SNTG1: variants seen among roughly 807,000 people sequenced by gnomAD.
SNTG1 encodes gamma-1-syntrophin.
In SNTG1, 39 loss-of-function variants were observed where a neutral mutation model predicts 74.7. The ratio of observed to expected loss-of-function variants is 0.52; its 90% CI spans 0.40 to 0.68. SNTG1 has a LOEUF of 0.68. Ranked by LOEUF, SNTG1 falls within the 30% of genes least tolerant of loss-of-function variation. The probability of loss-of-function intolerance (pLI) is 0.00; values close to 1 mark genes in which losing one functional copy is unlikely to be tolerated. For synonymous variants in SNTG1, 254 were observed against 217.1 expected (o/e 1.17, Z -1.49); for missense variants, 685 against 609.5 (o/e 1.12, Z -1.30).
At chr8:50,179,208 A>G (rs973626717) in intron 2 of SNTG1, among the ~76,000 whole-genome samples, 4 of 152,098 alleles carry the variant, frequency 2.6e-5, no homozygotes, top group African/African-American at 7.2e-5. Context: ...TTACTACTGT[A>G]GCTTTGTCAT....
At chr8:50,416,239 C>G (rs891803701) in intron 4 of SNTG1, among the ~76,000 whole-genome samples, 1 of 152,090 alleles carries the variant, frequency 6.6e-6, no homozygotes, top group Admixed American at 6.6e-5. Flanking sequence ...ATCATTTGCT[C>G]GCACACTAAA....
intron 2 of SNTG1, among the ~76,000 whole-genome samples, chr8:50,224,361 A>C (rs2132013677): frequency 6.6e-6 from 1 of 152,298 alleles, no homozygotes; most frequent in Non-Finnish European, 1.5e-5. Context: ...CAGGCTTTGT[A>C]GATCCCACAG....
chr8:50,064,820 C>T (rs1489175809), intron 1 of SNTG1, among the ~76,000 whole-genome samples: 1 of 152,168 alleles, frequency 6.6e-6, no homozygotes, highest in East Asian at 1.9e-4. Context: ...GGAGCTGACT[C>T]TTTACAACCA....
chr8:50,539,930 G>A (rs952770459), intron 11 of SNTG1, among the ~76,000 whole-genome samples: 2 of 152,132 alleles, frequency 1.3e-5, no homozygotes, highest in African/African-American at 4.8e-5. Flanking sequence ...TTTATTGGAG[G>A]CTTTACGTTT....
intron 2 of SNTG1, among the ~76,000 whole-genome samples, chr8:50,382,849 A>G (rs1021485481): frequency 8.5e-5 from 13 of 152,158 alleles, no homozygotes; most frequent in Non-Finnish European, 1.3e-4. Flanking sequence ...GTGGGCTGGC[A>G]AGTCCAAATT....
intron 2 of SNTG1, among the ~76,000 whole-genome samples, chr8:50,308,791 C>T (rs1054836917): frequency 1.3e-5 from 2 of 152,160 alleles, no homozygotes; most frequent in African/African-American, 4.8e-5. Flanking sequence ...TAACAACTGG[C>T]TCTTAAAGTC....
chr8:50,647,919 A>G (rs1470882468), intron 13 of SNTG1, among the ~76,000 whole-genome samples: 1 of 151,844 alleles, frequency 6.6e-6, no homozygotes, highest in African/African-American at 2.4e-5. Context: ...TAAGAGATAC[A>G]CTGTTTCTTT....
rs774908590 is a variant in SNTG1, at chr8:50,792,833, A to G, written c.*4A>G. 1.2e-6 allele frequency: 2 copies of G among 1,610,806 alleles called. No individual in the cohort carries two copies. The highest frequency in any genetic ancestry group is 1.7e-6 in the Non-Finnish European group (2 of 1,178,060). On this transcript the variant is annotated 3_prime_UTR_variant, in exon 19 of 19. Transcript: ENST00000642720. ...CAAAGCAAAGTATACAACTTGACATACTGAACTCTTCATTGACACACCCCA... is the reference window on the plus strand; with the variant it reads ...CAAAGCAAAGTATACAACTTGACATGCTGAACTCTTCATTGACACACCCCA...
rs58030144 is a variant in SNTG1, at chr8:50,395,506, G to GGTTTTTTTTTT, written c.27+1241_27+1242insGTTTTTTTTTT. On this transcript the variant is annotated intron_variant, in intron 3 of 18. Coordinates refer to ENST00000642720, the MANE Select transcript of SNTG1 (RefSeq NM_018967.5). ...TTTAAATTTTAATTGTCTAATTTCT[G>GGTTTTTTTTTT]TTTTTTTTTTTTTTTTTAATGGAGT... Among the ~76,000 whole-genome samples the GGTTTTTTTTTT allele has an allele frequency of 1.5e-5, 2 of 135,656 alleles. 1 individual carries two copies. The highest frequency in any genetic ancestry group is 5.5e-5 in the African/African-American group (2 of 36,402). 89.0% of individuals were successfully genotyped at this position (135,656 alleles called of 152,430 possible).
intron 1 of SNTG1, among the ~76,000 whole-genome samples, chr8:50,165,251 T>G (rs1295912511): frequency 6.6e-6 from 1 of 152,198 alleles, no homozygotes; most frequent in Admixed American, 6.5e-5. Flanking sequence ...CAGCCAGAGA[T>G]TCCCATTCAC....
intron 1 of SNTG1, among the ~76,000 whole-genome samples, chr8:49,949,357 G>A (rs771989094): frequency 1.3e-5 from 2 of 152,158 alleles, no homozygotes; most frequent in Non-Finnish European, 2.9e-5. Context: ...AAATCAAGAT[G>A]AATACTGAAT....
intron 1 of SNTG1, among the ~76,000 whole-genome samples, chr8:50,051,096 T>A (rs909209788): frequency 3.3e-5 from 5 of 152,028 alleles, no homozygotes; most frequent in African/African-American, 9.7e-5. Flanking sequence ...GACAAGGATA[T>A]GTGCTCTTGC....
intron 11 of SNTG1, among the ~76,000 whole-genome samples, chr8:50,548,555 C>T (rs996524): frequency 0.22 from 33,146 of 151,904 alleles, 4,713 homozygotes; most frequent in African/African-American, 0.4. Flanking sequence ...TTAAAGATTC[C>T]GAGCACTGTG....
At position 50,536,810 on chromosome 8, in the gene SNTG1, T is replaced by G; in HGVS notation, c.680+2T>G. ...TGTGCCCGGCACAGATTTGAGTCGG[T>G]GAGTCCGTGTTTAGGAGTTATGACT... On this transcript the variant is annotated splice_donor_variant, in intron 11 of 18. Coordinates refer to ENST00000642720, the MANE Select transcript of SNTG1 (RefSeq NM_018967.5). LOFTEE classifies it high-confidence loss of function. 6.2e-7 allele frequency: 1 copy of G among 1,613,824 alleles called. No homozygotes were observed. The highest frequency in any genetic ancestry group is 8.5e-7 in the Non-Finnish European group (1 of 1,179,758).
chr8:50,335,399 C>T (rs780330197), intron 2 of SNTG1, among the ~76,000 whole-genome samples: 47 of 152,076 alleles, frequency 3.1e-4, no homozygotes, highest in Non-Finnish European at 5.1e-4. Flanking sequence ...TTCAAGGCTC[C>T]GGAGAAATAT....
At chr8:50,226,293 T>G (rs1320294690) in intron 2 of SNTG1, among the ~76,000 whole-genome samples, 2 of 152,188 alleles carry the variant, frequency 1.3e-5, no homozygotes, top group Non-Finnish European at 2.9e-5. Context: ...CTTTCCAATC[T>G]GACTCTGGCA....
intron 4 of SNTG1, among the ~76,000 whole-genome samples, chr8:50,436,876 G>A (rs998337353): frequency 6.6e-6 from 1 of 151,990 alleles, no homozygotes; most frequent in Admixed American, 6.6e-5. Flanking sequence ...ATGCAGCCCT[G>A]TTTATATGTG....
At chr8:50,758,871 G>A (rs1180629199) in intron 18 of SNTG1, among the ~76,000 whole-genome samples, 7 of 151,984 alleles carry the variant, frequency 4.6e-5, no homozygotes, top group South Asian at 4.1e-4. Context: ...TGTATTTCTG[G>A]TTCTAGAGCC....
At chr8:50,394,727 G>A (rs1320776181) in intron 3 of SNTG1, among the ~76,000 whole-genome samples, 1 of 152,048 alleles carries the variant, frequency 6.6e-6, no homozygotes, top group Non-Finnish European at 1.5e-5. Flanking sequence ...TTCAGCACGA[G>A]TTAAAGTGGC....
Sources: allele counts gnomAD v4.1 joint callset (sites outside exome capture counted in the v4.1 genomes callset), GRCh38; gene constraint gnomAD v4.1.1; transcripts MANE v1.5; gene names NCBI Gene and HGNC (gene_info 2026-07-23, HGNC 2026-07-21).